WDR36: variants seen among roughly 807,000 people sequenced by gnomAD.
The protein encoded by WDR36 is WD repeat domain 36, also known as WD repeat-containing protein 36.
Under a neutral mutation model 112.7 loss-of-function variants are expected in WDR36, and 63 were observed. The observed-to-expected ratio is 0.56, with a 90% confidence interval of 0.46 to 0.69. The LOEUF (loss-of-function observed/expected upper bound fraction) is 0.69. WDR36 is among the 30% of genes least tolerant of loss of function. The pLI is 0.00. For synonymous variants in WDR36, 410 were observed against 362.2 expected (o/e 1.13, Z -1.50); for missense variants, 1,226 against 1,070.3 (o/e 1.15, Z -2.03).
chr5:111,126,785 A>C lies in WDR36; in HGVS notation c.2590A>C (p.Asn864His). Residue 864 changes from asparagine (N) to histidine (H), a missense_variant, in exon 23 of 23, where the codon AAT (asparagine) becomes CAT (histidine). Transcript: ENST00000513710. ...SEPVLLEEIT[N>H]LSSQVEENWT... The stretch of plus-strand genomic sequence containing the variant: ...GCCAGTACTCCTAGAAGAAATAACA[A>C]ATTTGTCATCCCAGGTGGAAGAAAA... The C allele has an allele frequency of 6.2e-7, 1 of 1,613,816 alleles. No homozygotes were observed. Among genetic ancestry groups the C allele is most frequent in the Non-Finnish European group, 8.5e-7 (1 of 1,179,838 alleles).
At chr5:111,097,662 C>T (rs1161692560) in intron 3 of WDR36, among the ~76,000 whole-genome samples, 1 of 152,224 alleles carries the variant, frequency 6.6e-6, no homozygotes, top group African/African-American at 2.4e-5. Context: ...GTTTTCTCCA[C>T]TGCTAAGGAA....
chr5:111,128,369 A>C lies in WDR36; in HGVS notation c.*1486A>C, dbSNP rs999027080. The C allele has an allele frequency of 5.4e-6, 1 of 184,666 alleles. No homozygotes were observed. The highest frequency in any genetic ancestry group is 1.2e-5 in the Non-Finnish European group (1 of 86,924). The allele number at this position is 184,666 out of a possible 1,614,324, so 11.4% of individuals were successfully genotyped here. ...AATAAACTACTAAGGAAATAAGCCA[A>C]TGTGGTTATTGTACTCAATTTCGTT... is the stretch of plus-strand genomic sequence containing the variant. On this transcript the variant is annotated 3_prime_UTR_variant, in exon 23 of 23. Coordinates refer to ENST00000513710, the MANE Select transcript of WDR36 (RefSeq NM_139281.3).
rs905234603 is a variant in WDR36, at chr5:111,127,239, A to G, written c.*356A>G. On this transcript the variant is annotated 3_prime_UTR_variant, in exon 23 of 23. Transcript: ENST00000513710. Reference sequence around the variant, plus strand: ...TTTGAAGACTTAAAGAATCTGCTCAAATGATTTATTTTCTGAGTCTCTTCA... The same window carrying G: ...TTTGAAGACTTAAAGAATCTGCTCAGATGATTTATTTTCTGAGTCTCTTCA... 22 of 224,810 alleles carry G rather than the reference A, an allele frequency of 9.8e-5. No homozygotes were observed. The highest frequency in any genetic ancestry group is 4.9e-4 in the African/African-American group (22 of 44,662). 13.9% of individuals were successfully genotyped at this position (224,810 alleles called of 1,614,324 possible). A position where few individuals can be genotyped will look rare whatever the true frequency, so the allele number is the denominator to read the frequency against.
chr5:111,096,429 G>T (rs1308543295), intron 2 of WDR36, among the ~76,000 whole-genome samples: 3 of 152,090 alleles, frequency 2.0e-5, no homozygotes, highest in African/African-American at 7.2e-5. Context: ...CATGGGTTAG[G>T]CATGTGGCTC....
chr5:111,098,000 C>T (rs990302031), intron 3 of WDR36, among the ~76,000 whole-genome samples: 4 of 152,158 alleles, frequency 2.6e-5, no homozygotes, highest in African/African-American at 9.7e-5. Flanking sequence ...ATGTGATTTA[C>T]ATGAGGAGAC....
At chr5:111,102,049 AT>A (rs1561702789) in intron 5 of WDR36, among the ~76,000 whole-genome samples, 1 of 151,366 alleles carries the variant, frequency 6.6e-6, no homozygotes, top group African/African-American at 2.4e-5. Flanking sequence ...GCAGTCCTAA[AT>A]TTTTTTTACT....
intron 12 of WDR36, among the ~76,000 whole-genome samples, chr5:111,109,205 A>G (rs1014560184): frequency 2.0e-5 from 3 of 151,340 alleles, no homozygotes; most frequent in African/African-American, 7.3e-5. Flanking sequence ...TAGTTTCTTG[A>G]TTGTATAACT....
At position 111,104,185 on chromosome 5, in the gene WDR36, C is replaced by A; in HGVS notation, c.739C>A (p.Pro247Thr). The part of the protein sequence containing the change: ...TSISFRTDGH[P>T]VMAAGSPCGH... ...TTTTATTTTAATAACAGATGGTCAT[C>A]CAGTAATGGCAGCTGGAAGCCCATG... The change falls in exon 8 of 23, where the codon CCA (proline) becomes ACA (threonine). Residue 247 changes from proline to threonine, a missense_variant. By Grantham distance (38) the Pro-to-Thr change is conservative. Transcript: ENST00000513710. 6.2e-7 allele frequency: 1 copy of A among 1,610,890 alleles called. No individual in the cohort carries two copies. Among genetic ancestry groups the A allele is most frequent in the Middle Eastern group, 1.7e-4 (1 of 6,048 alleles).
chr5:111,124,931 T>C (rs920245333), intron 21 of WDR36, among the ~76,000 whole-genome samples: 2 of 152,218 alleles, frequency 1.3e-5, no homozygotes, highest in Non-Finnish European at 2.9e-5. Context: ...TAAAAGTGAT[T>C]AGACTTTTGT....
chr5:111,093,144 C>T lies in WDR36; in HGVS notation c.162+526C>T, dbSNP rs148176973. Among the ~76,000 whole-genome samples the T allele has an allele frequency of 5.2e-4, 79 of 152,314 alleles. 1 individual carries two copies. In the East Asian group the frequency reaches 0.01, roughly 20 times the overall value. ...GGCACTGTCACTCTAAGCCTTGCAG[C>T]CGTTTCTTTGCAACATAGGTGTCAT... On this transcript the variant is annotated intron_variant, in intron 1 of 22. Transcript: ENST00000513710.
At chr5:111,118,892 TA>T (rs1289596144) in intron 16 of WDR36, 120 bp from the exon 17 acceptor site, 27 of 759,578 alleles carry the variant, frequency 3.6e-5, no homozygotes, top group Non-Finnish European at 5.5e-5. Context: ...TGCTGGTGAT[TA>T]AAAAAAAGAA....
At chr5:111,120,466 T>A (rs768112568) in intron 17 of WDR36, 30 bp from the exon 18 acceptor site, 101 of 1,547,244 alleles carry the variant, frequency 6.5e-5, no homozygotes, top group Non-Finnish European at 8.4e-5. Flanking sequence ...TTATAATTTT[T>A]AAAATATTGC....
chr5:111,112,825 T>C (rs1353656071), intron 15 of WDR36, among the ~76,000 whole-genome samples: 1 of 151,496 alleles, frequency 6.6e-6, no homozygotes, highest in Non-Finnish European at 1.5e-5. Flanking sequence ...ATAATTCATT[T>C]AAAAGTCTAA....
intron 16 of WDR36, among the ~76,000 whole-genome samples, chr5:111,118,114 G>C (rs1304096238): frequency 6.6e-6 from 1 of 152,072 alleles, no homozygotes; most frequent in East Asian, 1.9e-4. Context: ...ACTTTCCATC[G>C]ATTATAAGAT....
chr5:111,120,624 G>C (rs1279198539), intron 18 of WDR36, 31 bp downstream of exon 18: 2 of 1,546,200 alleles, frequency 1.3e-6, no homozygotes, highest in South Asian at 2.2e-5. Context: ...TAATTTTTGA[G>C]GTGTAATATT....
chr5:111,103,716 A>T, intron 6 of WDR36, 70 bp from the exon 7 acceptor site: 4 of 1,572,308 alleles, frequency 2.5e-6, no homozygotes, highest in Non-Finnish European at 3.5e-6. Context: ...CCTAATAATG[A>T]TGCGTATCAT....
intron 9 of WDR36, among the ~76,000 whole-genome samples, 183 bp downstream of exon 9, chr5:111,105,000 C>T (rs558831384): frequency 6.6e-6 from 1 of 151,514 alleles, no homozygotes; most frequent in Non-Finnish European, 1.5e-5. Flanking sequence ...ATTATCTATG[C>T]TTAATGTGTC....
In WDR36 at chr5:111,105,283, GTA is replaced by G; in HGVS notation, c.1028-8_1028-7del. 1 of 1,608,846 alleles carries G rather than the reference GTA, an allele frequency of 6.2e-7. No individual in the cohort carries two copies. Among genetic ancestry groups the G allele is most frequent in the Non-Finnish European group, 8.5e-7 (1 of 1,176,298 alleles). On this transcript the variant is annotated splice_polypyrimidine_tract_variant and intron_variant, in intron 9 of 22. Coordinates refer to ENST00000513710, the MANE Select transcript of WDR36 (RefSeq NM_139281.3). ...TGAAGCTTGATTAGGGATTTTCTGT[GTA>G]TATCAACAGGTCAAGATGGAACTCT...
intron 1 of WDR36, among the ~76,000 whole-genome samples, chr5:111,093,653 A>C (rs371751272): frequency 6.6e-6 from 1 of 152,172 alleles, no homozygotes; most frequent in Non-Finnish European, 1.5e-5. Context: ...TTGCTGGTTA[A>C]TGTTTTCTTC....
Sources: allele counts gnomAD v4.1 joint callset (sites outside exome capture counted in the v4.1 genomes callset), GRCh38; gene constraint gnomAD v4.1.1; transcripts MANE v1.5; gene names NCBI Gene and HGNC (gene_info 2026-07-23, HGNC 2026-07-21).